WWOX: variants seen among roughly 807,000 people sequenced by gnomAD.
WWOX encodes WW domain containing oxidoreductase.
A neutral mutation model predicts 46.2 loss-of-function variants in WWOX; 69 were observed. The observed-to-expected ratio is 1.49, with a 90% CI of 1.23 to 1.82. The LOEUF (loss-of-function observed/expected upper bound fraction) is 1.82. Ranked by LOEUF, WWOX falls within the 40% of genes most tolerant of loss-of-function variation. The pLI, the probability that WWOX is intolerant of heterozygous loss-of-function variation, is 0.00. For synonymous variants in WWOX, 359 were observed against 202.6 expected (o/e 1.77, Z -6.56); for missense variants, 919 against 542.6 (o/e 1.69, Z -6.89).
At chr16:78,734,958 C>G (rs2049052073) in intron 8 of WWOX, among the ~76,000 whole-genome samples, 3 of 144,510 alleles carry the variant, frequency 2.1e-5, no homozygotes, top group Non-Finnish European at 4.5e-5. Flanking sequence ...CTCAGCCTCC[C>G]AGGTTCAAGC....
At chr16:79,148,062 A>G (rs1043385941) in intron 8 of WWOX, among the ~76,000 whole-genome samples, 5 of 152,190 alleles carry the variant, frequency 3.3e-5, no homozygotes, top group African/African-American at 1.2e-4. Context: ...TTGCAAAATA[A>G]AAGTATTTAG....
intron 8 of WWOX, among the ~76,000 whole-genome samples, chr16:78,624,009 C>G (rs1450878876): frequency 6.6e-6 from 1 of 152,080 alleles, no homozygotes; most frequent in Admixed American, 6.5e-5. Context: ...TTGCACCATC[C>G]ACTTTATAGA....
intron 5 of WWOX, among the ~76,000 whole-genome samples, chr16:78,205,233 A>T (rs1458528375): frequency 6.6e-6 from 1 of 152,146 alleles, no homozygotes; most frequent in East Asian, 1.9e-4. Context: ...GACTTTGTGG[A>T]AGAGTTGCAA....
At chr16:78,675,611 G>C (rs2738614) in intron 8 of WWOX, among the ~76,000 whole-genome samples, 4 of 152,046 alleles carry the variant, frequency 2.6e-5, no homozygotes, top group Non-Finnish European at 5.9e-5. Flanking sequence ...CCTACTGCTC[G>C]CAACCTCAGA....
intron 5 of WWOX, among the ~76,000 whole-genome samples, chr16:78,265,749 T>A (rs2079349598): frequency 6.6e-6 from 1 of 151,030 alleles, no homozygotes; most frequent in Non-Finnish European, 1.5e-5. Flanking sequence ...CAAAGTTGTA[T>A]CAGCTTTTTT....
rs114755364 is a variant in WWOX at position 78,115,077 on chromosome 16, C to G, written c.332C>G (p.Thr111Ser). 894 of 1,614,186 alleles carry G rather than the reference C, an allele frequency of 5.5e-4. 5 individuals are homozygous for G. In the African/African-American group the frequency reaches 0.011, roughly 19 times the overall value. ...ACCCGGCAAAGATACGACGGCAGCA[C>G]CACTGCCATGGAAATTCTCCAGGGC... is the stretch of plus-strand genomic sequence containing the variant. ...PTTRQRYDGS[T>S]TAMEILQGRD... Residue 111 changes from threonine to serine, a missense_variant, in exon 4 of 9, where the codon ACC becomes AGC. Transcript: ENST00000566780.
intron 8 of WWOX, among the ~76,000 whole-genome samples, chr16:78,495,623 C>G (rs1472326211): frequency 1.3e-5 from 2 of 151,780 alleles, no homozygotes; most frequent in Admixed American, 1.3e-4. Flanking sequence ...ACTCTCTTGC[C>G]TCAACCTCCC....
intron 8 of WWOX, among the ~76,000 whole-genome samples, chr16:78,644,223 AAATGAATGAATG>A (rs541292076): frequency 7.2e-5 from 11 of 151,968 alleles, no homozygotes; most frequent in East Asian, 1.9e-4. Flanking sequence ...TCTGTCTCAA[AAATGAATGAATG>A]AATGAATGAA....
At chr16:78,410,109 C>T (rs921618759) in intron 6 of WWOX, among the ~76,000 whole-genome samples, 1 of 152,180 alleles carries the variant, frequency 6.6e-6, no homozygotes, top group Non-Finnish European at 1.5e-5. Context: ...CTGGCACCTT[C>T]CTTCCTCTGT....
chr16:78,466,482 A>G (rs1250607959), intron 8 of WWOX, among the ~76,000 whole-genome samples: 1 of 152,222 alleles, frequency 6.6e-6, no homozygotes, highest in African/African-American at 2.4e-5. Flanking sequence ...AGAGGCTAAC[A>G]CATAAGGAGA....
Position 78,296,169 on chromosome 16 carries a change from G to A in WWOX, c.517-90691G>A, listed in dbSNP as rs767284113. 2.4e-4 allele frequency among the ~76,000 whole-genome samples: 36 copies of A among 152,120 alleles called. 1 individual carries two copies. Among genetic ancestry groups the A allele is most frequent in the Non-Finnish European group, 4.6e-4 (31 of 68,024 alleles). On this transcript the variant is annotated intron_variant, in intron 5 of 8. Transcript: ENST00000566780. ...AATATGAGTTCTGTATCACATTTGG[G>A]AAATTTGTAAAGCCTTACTTTGAAT...
intron 4 of WWOX, among the ~76,000 whole-genome samples, chr16:78,142,099 T>A (rs1266995075): frequency 6.6e-6 from 1 of 152,086 alleles, no homozygotes; most frequent in Non-Finnish European, 1.5e-5. Context: ...AAATGCTTCC[T>A]TTGGTAGTCA....
At chr16:79,208,609 T>C (rs562794975) in intron 8 of WWOX, among the ~76,000 whole-genome samples, 2 of 148,466 alleles carry the variant, frequency 1.3e-5, no homozygotes, top group Non-Finnish European at 3.0e-5. Context: ...AGTCATCTGA[T>C]GGTGATTAAA....
At chr16:78,876,470 CT>C (rs5818185) in intron 8 of WWOX, among the ~76,000 whole-genome samples, 16,181 of 124,810 alleles carry the variant, frequency 0.13, 1,409 homozygotes, top group African/African-American at 0.27. Flanking sequence ...CTTGACTCTT[CT>C]TTTTTTTTTT....
At chr16:78,403,214 TTTGTAAG>T (rs1175197602) in intron 6 of WWOX, among the ~76,000 whole-genome samples, 8 of 152,210 alleles carry the variant, frequency 5.3e-5, no homozygotes, top group South Asian at 2.1e-4. Context: ...TTTCTTATTG[TTTGTAAG>T]TTGTAAGTTG....
intron 8 of WWOX, among the ~76,000 whole-genome samples, chr16:78,540,031 C>CACAG (rs1555558666): frequency 6.6e-6 from 1 of 151,328 alleles, no homozygotes; most frequent in South Asian, 2.1e-4. Context: ...CACACACACA[C>CACAG]ACACACACAC....
At chr16:78,880,932 C>CT (rs919257398) in intron 8 of WWOX, among the ~76,000 whole-genome samples, 30 of 145,052 alleles carry the variant, frequency 2.1e-4, no homozygotes, top group Non-Finnish European at 2.9e-4. Flanking sequence ...TTTCCAAGCA[C>CT]TTTTTTTTTT....
Position 78,607,114 on chromosome 16 carries a change from T to A in WWOX, c.1056+174362T>A, listed in dbSNP as rs577677894. 4.5e-4 allele frequency among the ~76,000 whole-genome samples: 69 copies of A among 152,090 alleles called. No homozygotes were observed. The South Asian group carries it at 5.2e-3, about 11-fold the overall frequency. ...CAGAAATGGAATGATTCAGATTGGA[T>A]GAAAAGTTGATTTTATTAATTAGTT... On this transcript the variant is annotated intron_variant, in intron 8 of 8. Coordinates refer to ENST00000566780, the MANE Select transcript of WWOX (RefSeq NM_016373.4).
chr16:78,443,702 A>G (rs1214754697), intron 8 of WWOX, among the ~76,000 whole-genome samples: 2 of 152,078 alleles, frequency 1.3e-5, no homozygotes, highest in African/African-American at 4.8e-5. Flanking sequence ...CCCTAGTTTT[A>G]TCTTCCCGGT....
Sources: allele counts gnomAD v4.1 joint callset (sites outside exome capture counted in the v4.1 genomes callset), GRCh38; gene constraint gnomAD v4.1.1; transcripts MANE v1.5; gene names NCBI Gene and HGNC (gene_info 2026-07-23, HGNC 2026-07-21).